The following AGBL4 variants were observed in gnomAD, a reference collection of about 807,000 sequenced individuals.
AGBL4 encodes AGBL carboxypeptidase 4.
A neutral mutation model predicts 66.4 loss-of-function variants in AGBL4; 58 were observed. The observed-to-expected ratio is 0.87, with a 90% CI of 0.71 to 1.09. AGBL4 has a LOEUF of 1.09. Among genes scored for constraint, AGBL4 ranks in the 50% least tolerant of loss-of-function variants. The pLI is 0.00. For missense variants in AGBL4, 579 were observed against 631.0 expected (o/e 0.92, Z 0.88); for synonymous variants, 234 against 222.9 (o/e 1.05, Z -0.44).
rs533112061 is a variant in AGBL4, at chr1:49,985,525, AG to A, written c.34+38237del. The stretch of plus-strand genomic sequence containing the variant: ...TCAAAAAGTTCTGTTATAAGGCAGT[AG>A]CCAGAGGTGATGCTTACTTGAGAAA... On this transcript the variant is annotated intron_variant, in intron 1 of 13. Coordinates refer to ENST00000371839, the MANE Select transcript of AGBL4 (RefSeq NM_032785.4). Among the ~76,000 whole-genome samples the A allele has an allele frequency of 3.7e-3, 563 of 152,334 alleles. 2 individuals are homozygous for A. Among genetic ancestry groups the A allele is most frequent in the Non-Finnish European group, 6.3e-3 (429 of 68,020 alleles).
chr1:48,775,250 G>A (rs1645020109), intron 6 of AGBL4, among the ~76,000 whole-genome samples: 1 of 152,086 alleles, frequency 6.6e-6, no homozygotes, highest in African/African-American at 2.4e-5. Context: ...TGTCAAAAAG[G>A]GTCCAAGTGC....
chr1:48,691,041 T>C (rs556158036), intron 6 of AGBL4, among the ~76,000 whole-genome samples: 86 of 151,646 alleles, frequency 5.7e-4, no homozygotes, highest in Non-Finnish European at 1.0e-3. Flanking sequence ...GGTGCATGCC[T>C]GTAATCTCAG....
chr1:49,179,522 C>T (rs1186198309), intron 4 of AGBL4, among the ~76,000 whole-genome samples: 7 of 151,578 alleles, frequency 4.6e-5, no homozygotes, highest in South Asian at 2.1e-4. Context: ...TGAAAGTTTG[C>T]GGAAAGAATG....
intron 3 of AGBL4, among the ~76,000 whole-genome samples, chr1:49,502,798 G>T (rs560880053): frequency 1.1e-4 from 17 of 152,166 alleles, no homozygotes; most frequent in Admixed American, 9.8e-4. Context: ...TAGGAGAGAT[G>T]ATTTAGGATA....
At chr1:49,033,764 T>C (rs538791981) in intron 5 of AGBL4, among the ~76,000 whole-genome samples, 1 of 152,218 alleles carries the variant, frequency 6.6e-6, no homozygotes, top group Admixed American at 6.5e-5. Flanking sequence ...TCTGTGATTA[T>C]ATCATGTTCT....
chr1:49,474,005 A>C (rs927903692), intron 3 of AGBL4, among the ~76,000 whole-genome samples: 1 of 152,060 alleles, frequency 6.6e-6, no homozygotes, highest in African/African-American at 2.4e-5. Flanking sequence ...CATTTGTACC[A>C]GTACCATGTC....
intron 6 of AGBL4, among the ~76,000 whole-genome samples, chr1:48,732,984 C>A (rs919816371): frequency 5.3e-5 from 8 of 152,184 alleles, no homozygotes; most frequent in Non-Finnish European, 1.5e-5. Context: ...CTGTGAGAAA[C>A]ACACAAGGAT....
intron 3 of AGBL4, among the ~76,000 whole-genome samples, chr1:49,583,136 A>G (rs1482414838): frequency 6.6e-6 from 1 of 151,948 alleles, no homozygotes; most frequent in Non-Finnish European, 1.5e-5. Context: ...TTCCTGGGAG[A>G]TAGGAATATT....
intron 9 of AGBL4, among the ~76,000 whole-genome samples, chr1:48,624,989 C>G (rs1442338447): frequency 6.6e-6 from 1 of 151,504 alleles, no homozygotes; most frequent in Non-Finnish European, 1.5e-5. Context: ...CTCACTATAG[C>G]CAAGAACTCC....
At chr1:49,314,578 G>A (rs963148559) in intron 3 of AGBL4, among the ~76,000 whole-genome samples, 1 of 152,064 alleles carries the variant, frequency 6.6e-6, no homozygotes, top group African/African-American at 2.4e-5. Context: ...TTTTATGGCT[G>A]CATAGTATTC....
At chr1:49,858,925 A>G (rs1646498147) in intron 1 of AGBL4, among the ~76,000 whole-genome samples, 1 of 151,814 alleles carries the variant, frequency 6.6e-6, no homozygotes, top group African/African-American at 2.4e-5. Flanking sequence ...ATGAAGCACA[A>G]GAATCACTTG....
At chr1:48,715,575 G>A (rs1439235666) in intron 6 of AGBL4, among the ~76,000 whole-genome samples, 1 of 152,138 alleles carries the variant, frequency 6.6e-6, no homozygotes, top group Non-Finnish European at 1.5e-5. Flanking sequence ...GTGAGTATTT[G>A]CTGAGTGAAT....
At chr1:49,437,621 C>T (rs1645931035) in intron 3 of AGBL4, among the ~76,000 whole-genome samples, 1 of 152,102 alleles carries the variant, frequency 6.6e-6, no homozygotes, top group African/African-American at 2.4e-5. Flanking sequence ...TAATTATAAG[C>T]TATGATAAGC....
intron 1 of AGBL4, among the ~76,000 whole-genome samples, chr1:49,938,314 A>T (rs1654330707): frequency 6.6e-6 from 1 of 152,198 alleles, no homozygotes; most frequent in Non-Finnish European, 1.5e-5. Flanking sequence ...TGAATCCCTG[A>T]ATAGACCAAT....
At chr1:49,182,960 A>G (rs936955329) in intron 4 of AGBL4, among the ~76,000 whole-genome samples, 3 of 152,224 alleles carry the variant, frequency 2.0e-5, no homozygotes, top group African/African-American at 7.2e-5. Context: ...TATAAGTGCT[A>G]TGAAGGGTAA....
chr1:49,420,900 A>C (rs959886558), intron 3 of AGBL4, among the ~76,000 whole-genome samples: 5 of 152,176 alleles, frequency 3.3e-5, no homozygotes, highest in African/African-American at 9.6e-5. Flanking sequence ...CCTTACTTTA[A>C]GGAGTTCTCA....
chr1:49,708,908 C>T (rs1647414299), intron 2 of AGBL4, among the ~76,000 whole-genome samples: 1 of 152,212 alleles, frequency 6.6e-6, no homozygotes, highest in Non-Finnish European at 1.5e-5. Flanking sequence ...AAGATTGCTG[C>T]CTGCTCCTTC....
intron 2 of AGBL4, among the ~76,000 whole-genome samples, chr1:49,828,791 C>T (rs1645577462): frequency 6.6e-6 from 1 of 152,006 alleles, no homozygotes; most frequent in African/African-American, 2.4e-5. Flanking sequence ...AAGCAAGAGG[C>T]CAGCCGCGGT....
rs576642216 is a variant in AGBL4, at chr1:49,142,692, C to A, written c.378-96892G>T. ...ATATCCCTGGACAGTAATCATAAAA[C>A]TTTGTATTACAGATGCTAGTCCTAT... On this transcript the variant is annotated intron_variant, in intron 4 of 13. Coordinates refer to ENST00000371839, the MANE Select transcript of AGBL4 (RefSeq NM_032785.4). Among the ~76,000 whole-genome samples the A allele has an allele frequency of 2.6e-5, 4 of 152,136 alleles. No homozygotes were observed. In the South Asian group the frequency reaches 8.3e-4, roughly 32 times the overall value.
Sources: gnomAD v4.1 joint callset for allele counts (sites outside exome capture counted in the v4.1 genomes callset) on GRCh38, gnomAD v4.1.1 for gene constraint, MANE v1.5 for transcripts, NCBI Gene and HGNC (gene_info 2026-07-23, HGNC 2026-07-21) for gene names.